PDE2A: variants seen among roughly 807,000 people sequenced by gnomAD.
PDE2A encodes the protein cGMP-dependent 3',5'-cyclic phosphodiesterase.
A neutral mutation model predicts 133.6 loss-of-function variants in PDE2A; 53 were observed. That is an observed-to-expected ratio of 0.40 (90% CI 0.32 to 0.50). PDE2A has a LOEUF of 0.50. Among genes scored for constraint, PDE2A ranks in the 20% least tolerant of loss-of-function variants. The pLI is 0.73. For synonymous variants in PDE2A, 491 were observed against 490.2 expected (o/e 1.00, Z -0.02); for missense variants, 796 against 1,232.4 (o/e 0.65, Z 5.30).
chr11:72,578,426 G>A lies in PDE2A; in HGVS notation c.2508+50C>T, dbSNP rs1178445596. ...CTAGTTCAAGCCCTCCCTGTCCCAG[G>A]CCAGGAACCCTCCCCCATCCTGGAC... On this transcript the variant is annotated intron_variant, in intron 29 of 30. Coordinates refer to ENST00000334456, the MANE Select transcript of PDE2A (RefSeq NM_002599.5). The surrounding 1 kb of genome is among the most constrained non-coding windows in gnomAD (Gnocchi z 4.2). The A allele has an allele frequency of 6.3e-7, 1 of 1,588,814 alleles. No homozygotes were observed. The highest frequency in any genetic ancestry group is 8.6e-7 in the Non-Finnish European group (1 of 1,156,964).
intron 1 of PDE2A, among the ~76,000 whole-genome samples, chr11:72,671,738 T>G (rs933420447): frequency 1.3e-5 from 2 of 152,124 alleles, no homozygotes; most frequent in African/African-American, 4.8e-5. Context: ...TCAGGTCTGA[T>G]GAAGAGGTTG....
chr11:72,659,919 C>T (rs2135456691), intron 1 of PDE2A, among the ~76,000 whole-genome samples: 1 of 152,314 alleles, frequency 6.6e-6, no homozygotes, highest in South Asian at 2.1e-4. Context: ...CCTTCCCCTG[C>T]CTGGCTGCAC....
At chr11:72,589,633 A>T in intron 11 of PDE2A, 118 bp downstream of exon 11, 1 of 853,176 alleles carries the variant, frequency 1.2e-6, no homozygotes, top group Non-Finnish European at 1.9e-6. Flanking sequence ...AGATCCAGAT[A>T]ATTCCATCGG....
At chr11:72,589,269 G>C in intron 11 of PDE2A, 29 bp from the exon 12 acceptor site, 2 of 1,550,286 alleles carry the variant, frequency 1.3e-6, no homozygotes, top group Non-Finnish European at 1.8e-6. Context: ...CTGAGTCAGG[G>C]CCCAGTACTC....
chr11:72,626,906 T>C (rs1187046090), intron 2 of PDE2A, among the ~76,000 whole-genome samples: 2 of 152,224 alleles, frequency 1.3e-5, no homozygotes, highest in Non-Finnish European at 2.9e-5. Flanking sequence ...GAGTCCTTGC[T>C]CCAGCCTCCT....
At chr11:72,582,005 C>G in intron 21 of PDE2A, 58 bp from the exon 22 acceptor site, 1 of 1,326,340 alleles carries the variant, frequency 7.5e-7, no homozygotes, top group Non-Finnish European at 1.1e-6. Context: ...GGGGCCCTTG[C>G]CTGGGTCCTT....
intron 2 of PDE2A, among the ~76,000 whole-genome samples, chr11:72,633,390 G>C (rs1256661820): frequency 2.0e-5 from 3 of 152,202 alleles, no homozygotes; most frequent in Non-Finnish European, 4.4e-5. Context: ...AGGACTGAAG[G>C]GGGGACTCAG....
chr11:72,636,975 C>T (rs890504413), intron 2 of PDE2A, among the ~76,000 whole-genome samples: 4 of 152,208 alleles, frequency 2.6e-5, no homozygotes, highest in Non-Finnish European at 5.9e-5. Flanking sequence ...CAGTCCCCAT[C>T]CCCCCGGACC....
At chr11:72,664,328 T>C (rs572768916) in intron 1 of PDE2A, among the ~76,000 whole-genome samples, 5 of 151,316 alleles carry the variant, frequency 3.3e-5, no homozygotes, top group African/African-American at 9.7e-5. Context: ...TTGTCATCTG[T>C]TTCCCCTCTA....
At chr11:72,663,992 C>T (rs1855154096) in intron 1 of PDE2A, among the ~76,000 whole-genome samples, 3 of 152,230 alleles carry the variant, frequency 2.0e-5, no homozygotes, top group Admixed American at 2.0e-4. Flanking sequence ...CCCCTGGCAT[C>T]CAGAGAAATT....
chr11:72,588,454 T>C (rs546602377), intron 13 of PDE2A, among the ~76,000 whole-genome samples: 30 of 152,318 alleles, frequency 2.0e-4, no homozygotes, highest in African/African-American at 7.0e-4. Flanking sequence ...TTGATGATGC[T>C]TTGTGGGTCC....
At chr11:72,642,073 G>A (rs980013644) in intron 2 of PDE2A, among the ~76,000 whole-genome samples, 181 bp downstream of exon 2, 1 of 152,328 alleles carries the variant, frequency 6.6e-6, no homozygotes, top group Non-Finnish European at 1.5e-5. Context: ...CTGGGGTGAC[G>A]TGTGGACTGA....
At chr11:72,655,465 G>A (rs112426870) in intron 1 of PDE2A, among the ~76,000 whole-genome samples, 1,818 of 152,258 alleles carry the variant, frequency 0.012, 34 homozygotes, top group African/African-American at 0.041. Context: ...ATGGTGGCTC[G>A]TGCTCATGCA....
intron 1 of PDE2A, among the ~76,000 whole-genome samples, chr11:72,666,353 G>A (rs899536389): frequency 3.3e-5 from 5 of 152,142 alleles, no homozygotes; most frequent in East Asian, 1.9e-4. Context: ...GGACCGTGCT[G>A]GGAGTCCCTG....
intron 1 of PDE2A, among the ~76,000 whole-genome samples, chr11:72,671,807 G>C (rs2135469209): frequency 6.6e-6 from 1 of 152,214 alleles, no homozygotes; most frequent in South Asian, 2.1e-4. Flanking sequence ...TTCCCTGTCT[G>C]GCAAGAGATG....
intron 1 of PDE2A, among the ~76,000 whole-genome samples, chr11:72,646,757 C>A (rs2135443558): frequency 6.6e-6 from 1 of 152,336 alleles, no homozygotes; most frequent in Middle Eastern, 3.4e-3. Context: ...GCTTTTCTTC[C>A]ACCTCTTTGC....
chr11:72,615,002 C>G, intron 2 of PDE2A: 1 of 418,614 alleles, frequency 2.4e-6, no homozygotes, highest in South Asian at 1.7e-5. Context: ...TTACCCCCTC[C>G]CGCTCCATGC....
At chr11:72,636,106 G>GC in intron 2 of PDE2A, 1 of 1,232,248 alleles carries the variant, frequency 8.1e-7, no homozygotes, top group Non-Finnish European at 1.1e-6. Flanking sequence ...CAGAATGCCT[G>GC]CCCCCTGAAG....
chr11:72,647,979 G>T (rs1859173996), intron 1 of PDE2A, among the ~76,000 whole-genome samples: 1 of 152,218 alleles, frequency 6.6e-6, no homozygotes, highest in African/African-American at 2.4e-5. Context: ...ATGTGTCTGT[G>T]TGCAGAAGTG....
Sources: allele counts gnomAD v4.1 joint callset (sites outside exome capture counted in the v4.1 genomes callset), GRCh38; gene constraint gnomAD v4.1.1; non-coding constraint Gnocchi (gnomAD v3.1); transcripts MANE v1.5; gene names NCBI Gene and HGNC (gene_info 2026-07-23, HGNC 2026-07-21).